ATP11B: variants seen among roughly 807,000 people sequenced by gnomAD.
The protein encoded by ATP11B is ATPase phospholipid transporting 11B (putative).
A neutral mutation model predicts 157.8 loss-of-function variants in ATP11B; 81 were observed. The observed-to-expected ratio is 0.51, with a 90% CI of 0.43 to 0.62. The LOEUF (loss-of-function observed/expected upper bound fraction) is 0.62. Among genes scored for constraint, ATP11B ranks in the 20% least tolerant of loss-of-function variants. The pLI, the probability that ATP11B is intolerant of heterozygous loss-of-function variation, is 0.00. For synonymous variants in ATP11B, 451 were observed against 469.4 expected (o/e 0.96, Z 0.51); for missense variants, 1,165 against 1,402.2 (o/e 0.83, Z 2.70).
intron 1 of ATP11B, among the ~76,000 whole-genome samples, chr3:182,818,065 A>G (rs1257419983): frequency 1.3e-5 from 2 of 152,204 alleles, no homozygotes; most frequent in Non-Finnish European, 1.5e-5. Flanking sequence ...AAAGGTGTCC[A>G]TCTGAATCTG....
intron 19 of ATP11B, among the ~76,000 whole-genome samples, chr3:182,877,869 A>G (rs958737252): frequency 1.3e-5 from 2 of 152,250 alleles, no homozygotes; most frequent in East Asian, 3.9e-4. Flanking sequence ...CATGGATTGT[A>G]AGATCATAAT....
chr3:182,871,007 A>G (rs1721622056), intron 17 of ATP11B, among the ~76,000 whole-genome samples: 1 of 151,508 alleles, frequency 6.6e-6, no homozygotes, highest in African/African-American at 2.4e-5. Flanking sequence ...TGTTATTAGG[A>G]TATTTATTAT....
intron 12 of ATP11B, among the ~76,000 whole-genome samples, chr3:182,864,852 A>G (rs1220199997): frequency 6.6e-6 from 1 of 152,100 alleles, no homozygotes; most frequent in Non-Finnish European, 1.5e-5. Flanking sequence ...CTTTTTCTGG[A>G]ATTAGTCTCC....
chr3:182,844,989 TTTTTA>T (rs746488999), intron 8 of ATP11B, among the ~76,000 whole-genome samples: 12,602 of 124,024 alleles, frequency 0.1, 518 homozygotes, highest in African/African-American at 0.15. Flanking sequence ...AGCCTTTTTT[TTTTTA>T]TTTTTTTTTT....
intron 6 of ATP11B, chr3:182,836,707 T>C (rs1209396605): frequency 4.0e-6 from 2 of 499,314 alleles, no homozygotes; most frequent in African/African-American, 2.0e-5. Flanking sequence ...AGGAAAAATA[T>C]AATCTTTTAC....
chr3:182,848,482 C>A lies in ATP11B; in HGVS notation c.776C>A (p.Ala259Glu). 1.3e-6 allele frequency: 2 copies of A among 1,519,434 alleles called. No individual in the cohort carries two copies. The highest frequency in any genetic ancestry group is 1.9e-5 in the Admixed American group (1 of 52,176). 94.1% of individuals were successfully genotyped at this position (1,519,434 alleles called of 1,614,324 possible). ...LKNTKEIFGV[A>E]VYTGMETKMA... ...ATTTTGTTTTATTTTACAGGTGTTG[C>A]GGTATACACTGGAATGGAAACTAAG... The change falls in exon 10 of 30, where the codon GCG becomes GAG. Residue 259 changes from alanine (A) to glutamate (E), a missense_variant. Around this residue, in one of 4 missense-constraint regions of ATP11B, gnomAD observed 737 missense variants for 930.5 expected, o/e 0.79. Transcript: ENST00000323116.
Position 182,842,090 on chromosome 3 carries a change from G to T in ATP11B, c.672G>T (p.Met224Ile), listed in dbSNP as rs1237153106. 1.2e-6 allele frequency: 2 copies of T among 1,603,174 alleles called. No individual in the cohort carries two copies. The highest frequency in any genetic ancestry group is 1.3e-5 in the African/African-American group (1 of 74,628). ...TTTTTGATAGATTCATGGGACGAAT[G>T]ATCATAACCCAACAAATGGAAGAAA... ...EADLYRFMGR[M>I]IITQQMEEIV... The change falls in exon 8 of 30, where the codon ATG becomes ATT. Residue 224 changes from methionine to isoleucine, a missense_variant. Physicochemically the swap from Met to Ile is conservative, Grantham distance 10. This residue lies in a region of ATP11B where 737 missense variants were observed against 930.5 expected (regional missense o/e 0.79). Coordinates refer to ENST00000323116, the MANE Select transcript of ATP11B (RefSeq NM_014616.3).
At chr3:182,892,202 A>G (rs1384467960) in intron 25 of ATP11B, among the ~76,000 whole-genome samples, 2 of 152,094 alleles carry the variant, frequency 1.3e-5, no homozygotes, top group Admixed American at 1.3e-4. Context: ...CCTTTCCCCA[A>G]GATTCCCTCA....
intron 4 of ATP11B, among the ~76,000 whole-genome samples, chr3:182,832,273 A>G (rs1718209692): frequency 6.6e-6 from 1 of 152,208 alleles, no homozygotes; most frequent in South Asian, 2.1e-4. Context: ...TATGAGTACT[A>G]AATTTAGATG....
At position 182,850,661 on chromosome 3, in the gene ATP11B, T is replaced by G. The variant is rs183027222; in HGVS notation, c.851+2104T>G. Among the ~76,000 whole-genome samples the G allele has an allele frequency of 9.1e-4, 139 of 152,294 alleles. 2 individuals are homozygous for G. The highest frequency in any genetic ancestry group is 6.7e-3 in the Admixed American group (103 of 15,298). ...GGCATGTAAGTTAGGATAGCCACTA[T>G]GGAAAATAGCCTGGAGATGTCTCAA... On this transcript the variant is annotated intron_variant, in intron 10 of 29. Coordinates refer to ENST00000323116, the MANE Select transcript of ATP11B (RefSeq NM_014616.3).
chr3:182,847,335 G>A (rs1447449417), intron 9 of ATP11B, among the ~76,000 whole-genome samples: 1 of 152,068 alleles, frequency 6.6e-6, no homozygotes, highest in East Asian at 1.9e-4. Context: ...CACTGCGCCC[G>A]GCCAACACAT....
chr3:182,794,101 C>T (rs1234819398), intron 1 of ATP11B, among the ~76,000 whole-genome samples: 1 of 152,208 alleles, frequency 6.6e-6, no homozygotes, highest in East Asian at 1.9e-4. Context: ...GAGTCCCGAG[C>T]GGGGTGGCGG....
At chr3:182,911,745 A>C (rs982071154) in intron 28 of ATP11B, among the ~76,000 whole-genome samples, 1 of 152,180 alleles carries the variant, frequency 6.6e-6, no homozygotes, top group African/African-American at 2.4e-5. Flanking sequence ...TCCCCTGTGG[A>C]AAGTGGCACA....
chr3:182,816,042 C>G (rs1050374873), intron 1 of ATP11B, among the ~76,000 whole-genome samples: 1 of 152,064 alleles, frequency 6.6e-6, no homozygotes, highest in African/African-American at 2.4e-5. Flanking sequence ...TGTGTATTAA[C>G]AGTACTTCCC....
At chr3:182,831,182 C>T (rs1480430221) in intron 4 of ATP11B, among the ~76,000 whole-genome samples, 1 of 152,028 alleles carries the variant, frequency 6.6e-6, no homozygotes, top group East Asian at 1.9e-4. Flanking sequence ...ATTTTTTTCC[C>T]CCTCAAAAAC....
chr3:182,850,774 A>G (rs1719913323), intron 10 of ATP11B, among the ~76,000 whole-genome samples: 1 of 152,192 alleles, frequency 6.6e-6, no homozygotes, highest in Admixed American at 6.5e-5. Flanking sequence ...TCAAAGGAAT[A>G]TCTGCACTTG....
chr3:182,828,035 A>G, intron 2 of ATP11B, 85 bp from the exon 3 acceptor site: 3 of 549,840 alleles, frequency 5.5e-6, no homozygotes, highest in Non-Finnish European at 8.7e-6. Flanking sequence ...GGTTAGTAAA[A>G]CCGATTTTAC....
At position 182,857,949 on chromosome 3, in the gene ATP11B, A is replaced by G. The variant is rs1720541069; in HGVS notation, c.923A>G (p.Lys308Arg). Residue 308 changes from lysine (K) to arginine (R), a missense_variant, in exon 11 of 30, where the codon AAG becomes AGG. Lys to Arg is a conservative substitution (Grantham distance 26, BLOSUM62 2). Around this residue, in one of 4 missense-constraint regions of ATP11B, gnomAD observed 737 missense variants for 930.5 expected, o/e 0.79. Transcript: ENST00000323116. ...ISEAVISTIL[K>R]YTWQAEEKWD... is the part of the protein sequence containing the mutation. The stretch of plus-strand genomic sequence containing the variant: ...GAAGCTGTCATCAGCACTATCTTGA[A>G]GTATACATGGCAAGCTGAAGAAAAA... 2 of 1,606,716 alleles carry G rather than the reference A, an allele frequency of 1.2e-6. No homozygotes were observed. Among genetic ancestry groups the G allele is most frequent in the Non-Finnish European group, 1.7e-6 (2 of 1,173,602 alleles).
At chr3:182,849,725 A>G (rs190917247) in intron 10 of ATP11B, among the ~76,000 whole-genome samples, 1 of 152,326 alleles carries the variant, frequency 6.6e-6, no homozygotes, top group African/African-American at 2.4e-5. Context: ...AAAAAAGATT[A>G]GGAAAAATGA....
Sources: allele counts gnomAD v4.1 joint callset (sites outside exome capture counted in the v4.1 genomes callset), GRCh38; gene constraint gnomAD v4.1.1; regional missense constraint gnomAD v4.1.1; transcripts MANE v1.5; gene names NCBI Gene and HGNC (gene_info 2026-07-23, HGNC 2026-07-21).